The following BIRC6 variants were observed in gnomAD, a reference collection of about 807,000 sequenced individuals.
BIRC6 encodes the protein baculoviral IAP repeat containing 6.
A neutral mutation model predicts 503.3 loss-of-function variants in BIRC6; 98 were observed. The observed-to-expected ratio is 0.19, with a 90% CI of 0.17 to 0.23. The LOEUF is 0.23. Ranked by LOEUF, BIRC6 falls within the 10% of genes least tolerant of loss-of-function variation. The pLI is 1.00. For synonymous variants in BIRC6, 2,240 were observed against 2,078.7 expected (o/e 1.08, Z -2.11); for missense variants, 5,360 against 5,806.0 (o/e 0.92, Z 2.50).
chr2:32,491,454 G>C lies in BIRC6; in HGVS notation c.8236G>C (p.Glu2746Gln). 6.2e-7 allele frequency: 1 copy of C among 1,613,222 alleles called. No individual in the cohort carries two copies. The highest frequency in any genetic ancestry group is 8.5e-7 in the Non-Finnish European group (1 of 1,179,602). ...SGSSSAIGTQ[E>Q]STAHLLVSDP... ...TTCCAGCAGTGCCATTGGAACTCAG[G>C]AGAGTACTGCTCATTTGTTGGTTTC... The change falls in exon 44 of 74, where the codon GAG becomes CAG. Residue 2746 changes from glutamate (E) to glutamine (Q), a missense_variant. Physicochemically the swap from Glu to Gln is conservative, Grantham distance 29. This residue lies in a region of BIRC6 where 2,299 missense variants were observed against 2,267.2 expected (regional missense o/e 1.01). Coordinates refer to ENST00000421745, the MANE Select transcript of BIRC6 (RefSeq NM_016252.4).
chr2:32,608,740 C>T (rs2062646054), intron 72 of BIRC6, among the ~76,000 whole-genome samples: 1 of 152,158 alleles, frequency 6.6e-6, no homozygotes, highest in South Asian at 2.1e-4. Context: ...ATTAGTTACC[C>T]TTCTACTAGC....
At chr2:32,490,346 G>A (rs1251508225) in intron 43 of BIRC6, among the ~76,000 whole-genome samples, 195 bp downstream of exon 43, 1 of 152,124 alleles carries the variant, frequency 6.6e-6, no homozygotes, top group African/African-American at 2.4e-5. Context: ...TCAGGAGCTC[G>A]AGAGCAGCCT....
chr2:32,436,100 T>G lies in BIRC6; in HGVS notation c.3547T>G (p.Cys1183Gly). Residue 1183 changes from cysteine to glycine, a missense_variant, in exon 15 of 74, where the codon TGT becomes GGT. Around this residue, in one of 16 missense-constraint regions of BIRC6, gnomAD observed 2,299 missense variants for 2,267.2 expected, o/e 1.01. Coordinates refer to ENST00000421745, the MANE Select transcript of BIRC6 (RefSeq NM_016252.4). ...FLEDHKEDIL[C>G]GPVWLASGLD... Reference sequence around the variant, plus strand: ...GGAGGATCATAAAGAAGACATTCTATGTGGGCCAGTATGGCTTGCTAGTGG... The same window carrying G: ...GGAGGATCATAAAGAAGACATTCTAGGTGGGCCAGTATGGCTTGCTAGTGG... The G allele has an allele frequency of 6.7e-7, 1 of 1,487,944 alleles. No homozygotes were observed. The highest frequency in any genetic ancestry group is 9.1e-7 in the Non-Finnish European group (1 of 1,104,028). 92.2% of individuals were successfully genotyped at this position (1,487,944 alleles called of 1,614,324 possible).
chr2:32,473,706 C>CGTGT (rs70938348), intron 33 of BIRC6, among the ~76,000 whole-genome samples: 6,078 of 72,664 alleles, frequency 0.084, 405 homozygotes, highest in East Asian at 0.17. Context: ...TCTCCTTTTT[C>CGTGT]GTGTGTGTGT....
Position 32,489,633 on chromosome 2 carries a change from G to GA in BIRC6, c.8096-401dup, listed in dbSNP as rs144663395. Among the ~76,000 whole-genome samples the GA allele has an allele frequency of 4.4e-3, 667 of 152,178 alleles. 4 individuals carry two copies. The highest frequency in any genetic ancestry group is 0.015 in the African/African-American group (641 of 41,546). Reference sequence around the variant, plus strand: ...TTTAGACCAGCCTGGCCAACATGGTGAAAAAAATACAAAAATTAGCCGGCT... The same window carrying GA: ...TTTAGACCAGCCTGGCCAACATGGTGAAAAAAAATACAAAAATTAGCCGGCT... On this transcript the variant is annotated intron_variant, in intron 42 of 73. Transcript: ENST00000421745.
chr2:32,359,958 A>G (rs957391286), intron 1 of BIRC6, among the ~76,000 whole-genome samples: 1 of 152,122 alleles, frequency 6.6e-6, no homozygotes, highest in Admixed American at 6.6e-5. Context: ...GCTGCATTTT[A>G]TGTTTTACTT....
At chr2:32,479,793 CA>C (rs572988516) in intron 37 of BIRC6, among the ~76,000 whole-genome samples, 176 bp downstream of exon 37, 288 of 152,170 alleles carry the variant, frequency 1.9e-3, no homozygotes, top group Non-Finnish European at 3.3e-3. Flanking sequence ...CTCATTACAA[CA>C]AAATGCTATA....
In BIRC6 at chr2:32,403,763, G is replaced by A. The variant is rs2040861312; in HGVS notation, c.1418+2140G>A. ...GTAAAAGGTTTTGCAAAATGTAGAA[G>A]GCTTTAGTAAATACAGTGCCTATTA... On this transcript the variant is annotated intron_variant, in intron 8 of 73. Coordinates refer to ENST00000421745, the MANE Select transcript of BIRC6 (RefSeq NM_016252.4). Among the ~76,000 whole-genome samples the A allele has an allele frequency of 2.6e-5, 4 of 152,058 alleles. No individual in the cohort carries two copies. The South Asian group carries it at 8.3e-4, about 32-fold the overall frequency.
rs190992899 is a variant in BIRC6, at chr2:32,485,508, G to A, written c.7697-135G>A. The A allele has an allele frequency of 2.4e-4, 137 of 576,560 alleles. 1 individual carries two copies. In the Admixed American group the frequency reaches 2.5e-3, roughly 11 times the overall value. 35.7% of individuals were successfully genotyped at this position (576,560 alleles called of 1,614,324 possible). On this transcript the variant is annotated intron_variant, in intron 39 of 73. Coordinates refer to ENST00000421745, the MANE Select transcript of BIRC6 (RefSeq NM_016252.4). The stretch of plus-strand genomic sequence containing the variant: ...CTTCCCCTGCTGTGGCTCCGATACT[G>A]CATGTTAGGTGGCTGTTCTGTAAGA...
At chr2:32,602,293 G>A (rs932683207) in intron 70 of BIRC6, among the ~76,000 whole-genome samples, 1 of 152,218 alleles carries the variant, frequency 6.6e-6, no homozygotes, top group Middle Eastern at 3.2e-3. Context: ...CAACATAGAT[G>A]AGCCTGGTGG....
At chr2:32,598,732 GCTT>G (rs1305126858) in intron 69 of BIRC6, among the ~76,000 whole-genome samples, 2 of 152,082 alleles carry the variant, frequency 1.3e-5, no homozygotes, top group African/African-American at 4.8e-5. Flanking sequence ...TTGTTTGCTT[GCTT>G]CTTTTGATTT....
At chr2:32,580,530 G>A (rs570540300) in intron 66 of BIRC6, among the ~76,000 whole-genome samples, 4 of 152,246 alleles carry the variant, frequency 2.6e-5, no homozygotes, top group African/African-American at 9.6e-5. Context: ...GCCTGGAGAG[G>A]AAATCAGGGG....
intron 65 of BIRC6, among the ~76,000 whole-genome samples, chr2:32,567,072 G>A (rs1474498713): frequency 1.3e-5 from 2 of 152,200 alleles, no homozygotes; most frequent in Non-Finnish European, 2.9e-5. Context: ...CAGGGTTCAA[G>A]CGATTCACCT....
rs761136059 is a variant in BIRC6, at chr2:32,508,209, A to G, written c.9930A>G (p.Ala3310=). The change falls in exon 51 of 74, where the codon GCA becomes GCG. Residue 3310 remains alanine (A), a synonymous_variant. Transcript: ENST00000421745. ...CTGCTTTTGGTACCACCTCTTCTGC[A>G]ACAGTTAATAATCCATTCCTTCCAT... is the stretch of plus-strand genomic sequence containing the variant. ...GLTAFGTTSS[A]TVNNPFLPSE... The G allele has an allele frequency of 2.9e-5, 46 of 1,611,454 alleles. No homozygotes were observed. Among genetic ancestry groups the G allele is most frequent in the African/African-American group, 5.4e-5 (4 of 74,350 alleles).
At chr2:32,460,245 G>GATAGATATATATAT (rs2047698570) in intron 23 of BIRC6, among the ~76,000 whole-genome samples, 1 of 30,976 alleles carries the variant, frequency 3.2e-5, no homozygotes, top group African/African-American at 1.2e-4. Flanking sequence ...TCTCGTATAT[G>GATAGATATATATAT]ATATATATAT....
At chr2:32,594,235 AGTC>A in intron 67 of BIRC6, 175 bp downstream of exon 67, 2 of 597,062 alleles carry the variant, frequency 3.3e-6, no homozygotes, top group South Asian at 5.9e-5. Flanking sequence ...AATCATGTAT[AGTC>A]TAATTTTTAA....
At chr2:32,550,900 AATTTAATGTG>A in intron 65 of BIRC6, among the ~76,000 whole-genome samples, 1 of 152,246 alleles carries the variant, frequency 6.6e-6, no homozygotes, top group African/African-American at 2.4e-5. Flanking sequence ...CTGTTTTAGA[AATTTAATGTG>A]ACAGATCGAA....
Position 32,416,072 on chromosome 2 carries a change from G to A in BIRC6, c.2781G>A (p.Glu927=). 1.2e-6 allele frequency: 2 copies of A among 1,613,890 alleles called. No individual in the cohort carries two copies. The highest frequency in any genetic ancestry group is 1.7e-6 in the Non-Finnish European group (2 of 1,179,854). The change falls in exon 10 of 74, where the codon GAG becomes GAA. Residue 927 remains glutamate (E), a synonymous_variant. Transcript: ENST00000421745. ...LSNFEILAKV[E]PPKKEGTEEQ... The stretch of plus-strand genomic sequence containing the variant: ...ACTTTGAAATTTTGGCCAAAGTGGA[G>A]CCTCCCAAAAAGGAGGGCACTGAGG...
At position 32,505,291 on chromosome 2, in the gene BIRC6, T is replaced by G. The variant is rs1184675711; in HGVS notation, c.9700+86T>G. ...AATAAAAATGTTTAGTAAGCGGAAA[T>G]ACACTTAGGTGTGATTACCAGAGAG... On this transcript the variant is annotated intron_variant, in intron 50 of 73. Transcript: ENST00000421745. The G allele has an allele frequency of 2.7e-6, 3 of 1,115,884 alleles. 1 individual carries two copies. The highest frequency in any genetic ancestry group is 1.5e-5 in the African/African-American group (1 of 64,554). 69.1% of individuals were successfully genotyped at this position (1,115,884 alleles called of 1,614,324 possible). A position where few individuals can be genotyped will look rare whatever the true frequency, so the allele number is the denominator to read the frequency against.
Sources: gnomAD v4.1 joint callset for allele counts (sites outside exome capture counted in the v4.1 genomes callset) on GRCh38, gnomAD v4.1.1 for gene constraint, gnomAD v4.1.1 regional missense constraint, MANE v1.5 for transcripts, NCBI Gene and HGNC (gene_info 2026-07-23, HGNC 2026-07-21) for gene names.